Variants in INPP5A observed in about 807,000 individuals in gnomAD.
The protein encoded by INPP5A is inositol polyphosphate-5-phosphatase A.
In INPP5A, 14 loss-of-function variants were observed where a neutral mutation model predicts 65.2. The ratio of observed to expected loss-of-function variants is 0.21; its 90% confidence interval spans 0.14 to 0.34. The LOEUF (loss-of-function observed/expected upper bound fraction) is 0.34. Among genes scored for constraint, INPP5A ranks in the 10% least tolerant of loss-of-function variants. INPP5A has a pLI of 1.00. For synonymous variants in INPP5A, 207 were observed against 208.3 expected, an observed-to-expected ratio of 0.99 and a Z score of 0.05; for missense variants, 431 against 545.6, an observed-to-expected ratio of 0.79 and a Z score of 2.09.
At chr10:132,731,392 C>T (rs971098992) in intron 9 of INPP5A, among the ~76,000 whole-genome samples, 1 of 151,668 alleles carries the variant, frequency 6.6e-6, no homozygotes. Flanking sequence ...GTATCAGACG[C>T]CCCTGGAAGT....
At chr10:132,721,720 G>A (rs560033044) in intron 8 of INPP5A, among the ~76,000 whole-genome samples, 86 of 139,698 alleles carry the variant, frequency 6.2e-4, no homozygotes, top group African/African-American at 2.5e-3. Flanking sequence ...CTGTCTGGGC[G>A]CCTTAGACTG....
At chr10:132,766,585 A>G (rs1023544544) in intron 12 of INPP5A, among the ~76,000 whole-genome samples, 15 of 152,172 alleles carry the variant, frequency 9.9e-5, no homozygotes, top group African/African-American at 3.4e-4. Context: ...GCTCGCGTAC[A>G]TGGTTGCATA....
In INPP5A at chr10:132,705,460, C is replaced by T. The variant is rs934452291; in HGVS notation, c.475-2853C>T. Among the ~76,000 whole-genome samples the T allele has an allele frequency of 6.6e-6, 1 of 152,218 alleles. No individual in the cohort carries two copies. Among genetic ancestry groups the T allele is most frequent in the African/African-American group, 2.4e-5 (1 of 41,450 alleles). ...TTTGGCAAGCAGGGCAGCCTGAGCA[C>T]AGCAGGGGATGTGGGCTCAGTACCA... On this transcript the variant is annotated intron_variant, in intron 6 of 15. Coordinates refer to ENST00000368594, the MANE Select transcript of INPP5A (RefSeq NM_005539.5). The surrounding 1 kb of genome is among the most constrained non-coding windows in gnomAD (Gnocchi z 4.9).
At position 132,686,200 on chromosome 10, in the gene INPP5A, G is replaced by T. The variant is rs563103490; in HGVS notation, c.307-4192G>T. ...GGATCGACTTTTCGGTGCCCCAGGG[G>T]CTTGGCTTTGTCCAGTGGAGGCCGC... is the stretch of plus-strand genomic sequence containing the variant. On this transcript the variant is annotated intron_variant, in intron 4 of 15. Coordinates refer to ENST00000368594, the MANE Select transcript of INPP5A (RefSeq NM_005539.5). 3.9e-5 allele frequency among the ~76,000 whole-genome samples: 6 copies of T among 152,314 alleles called. No individual in the cohort carries two copies. In the East Asian group the frequency reaches 7.7e-4, roughly 20 times the overall value.
intron 13 of INPP5A, among the ~76,000 whole-genome samples, chr10:132,780,001 A>T (rs1206312463): frequency 6.6e-6 from 1 of 152,250 alleles, no homozygotes; most frequent in African/African-American, 2.4e-5. Flanking sequence ...GCGTTTGATG[A>T]ATGTTTCTCC....
rs1203686716 is a variant in INPP5A at position 132,782,202 on chromosome 10, C to T, written c.*173C>T. ...TCCGGACCATTCCGGAGCAGCCTCA[C>T]ATACCTCACTGTCTCGTCTGTCTAT... On this transcript the variant is annotated 3_prime_UTR_variant, in exon 16 of 16. Transcript: ENST00000368594. The surrounding 1 kb of genome is among the most constrained non-coding windows in gnomAD (Gnocchi z 4.4). 2.2e-6 allele frequency: 2 copies of T among 901,018 alleles called. No homozygotes were observed. Among genetic ancestry groups the T allele is most frequent in the Non-Finnish European group, 3.4e-6 (2 of 582,470 alleles). 55.8% of individuals were successfully genotyped at this position (901,018 alleles called of 1,614,324 possible).
chr10:132,748,310 C>A (rs765763787), intron 9 of INPP5A, among the ~76,000 whole-genome samples: 6 of 152,208 alleles, frequency 3.9e-5, no homozygotes, highest in Admixed American at 3.9e-4. Context: ...CCTCCTCCAC[C>A]CACACCAGCG....
At chr10:132,723,349 TAG>T (rs1367081974) in intron 8 of INPP5A, among the ~76,000 whole-genome samples, 1 of 152,338 alleles carries the variant, frequency 6.6e-6, no homozygotes, top group Non-Finnish European at 1.5e-5. Context: ...GGGAACTCAT[TAG>T]AGTTTGTTCC....
intron 11 of INPP5A, among the ~76,000 whole-genome samples, chr10:132,756,708 A>G (rs1379245764): frequency 6.6e-6 from 1 of 152,170 alleles, no homozygotes; most frequent in African/African-American, 2.4e-5. Flanking sequence ...CCATTACTGT[A>G]ATGCACTCCT....
chr10:132,782,257 T>G lies in INPP5A; in HGVS notation c.*228T>G, dbSNP rs1304883013. On this transcript the variant is annotated 3_prime_UTR_variant, in exon 16 of 16. Coordinates refer to ENST00000368594, the MANE Select transcript of INPP5A (RefSeq NM_005539.5). The surrounding 1 kb of genome is among the most constrained non-coding windows in gnomAD (Gnocchi z 4.4). ...CATTAAGTAGAAATATTGGTTTTTT[T>G]TTTTTTTTTTTAAATAAGTCACAGT... is the stretch of plus-strand genomic sequence containing the variant. 6.8e-5 allele frequency: 31 copies of G among 455,266 alleles called. No homozygotes were observed. The highest frequency in any genetic ancestry group is 2.9e-4 in the East Asian group (5 of 17,060). 28.2% of individuals were successfully genotyped at this position (455,266 alleles called of 1,614,324 possible).
Position 132,549,436 on chromosome 10 carries a change from T to G in INPP5A, c.75+11265T>G, listed in dbSNP as rs554916937. ...TGGCATCTTGCGGTTTAACTTGCATTTCTGGTCCTACTTCCAAATAATAAT... is the reference window on the plus strand; with the variant it reads ...TGGCATCTTGCGGTTTAACTTGCATGTCTGGTCCTACTTCCAAATAATAAT... On this transcript the variant is annotated intron_variant, in intron 1 of 15. Transcript: ENST00000368594. The surrounding 1 kb of genome is among the most constrained non-coding windows in gnomAD (Gnocchi z 4.9). Among the ~76,000 whole-genome samples, 8 of 152,344 alleles carry G rather than the reference T, an allele frequency of 5.3e-5. No individual in the cohort carries two copies. The highest frequency in any genetic ancestry group is 1.9e-4 in the African/African-American group (8 of 41,578).
At chr10:132,772,020 A>G (rs78448338) in intron 12 of INPP5A, among the ~76,000 whole-genome samples, 23 of 136 alleles carry the variant, frequency 0.17, 8 homozygotes, top group African/African-American at 0.33. Context: ...CAGAGGCCAC[A>G]GCAGCCACCC....
At chr10:132,580,025 C>T (rs1461597460) in intron 1 of INPP5A, among the ~76,000 whole-genome samples, 1 of 151,716 alleles carries the variant, frequency 6.6e-6, no homozygotes, top group Non-Finnish European at 1.5e-5. Flanking sequence ...CTTCCTCCCA[C>T]TGCTGGCAGG....
Position 132,538,436 on chromosome 10 carries a change from C to T in INPP5A, c.75+265C>T, listed in dbSNP as rs999434701. Among the ~76,000 whole-genome samples the T allele has an allele frequency of 3.3e-5, 5 of 152,284 alleles. No individual in the cohort carries two copies. The highest frequency in any genetic ancestry group is 3.4e-3 in the Middle Eastern group (1 of 294). ...CATCCTCCAGACTCCAGCAGCTGAC[C>T]GTTGACCCTGGGACCCTGCCTCTGA... On this transcript the variant is annotated intron_variant, in intron 1 of 15. Coordinates refer to ENST00000368594, the MANE Select transcript of INPP5A (RefSeq NM_005539.5). This position sits in a 1 kb window ranked among gnomAD's most constrained non-coding sequence, Gnocchi z 4.1.
chr10:132,570,982 A>T (rs543153584), intron 1 of INPP5A, among the ~76,000 whole-genome samples: 1 of 152,282 alleles, frequency 6.6e-6, no homozygotes, highest in South Asian at 2.1e-4. Flanking sequence ...GAGGGATGAA[A>T]ACGAGGCACT....
At position 132,678,368 on chromosome 10, in the gene INPP5A, G is replaced by A. The variant is rs540307226; in HGVS notation, c.307-12024G>A. 7.2e-5 allele frequency among the ~76,000 whole-genome samples: 11 copies of A among 152,294 alleles called. No homozygotes were observed. The highest frequency in any genetic ancestry group is 2.6e-4 in the African/African-American group (11 of 41,566). ...TATTATTGTTTATAATCTAATGACT[G>A]TTATTATAACTTTGCTTTGATTTAT... On this transcript the variant is annotated intron_variant, in intron 4 of 15. Coordinates refer to ENST00000368594, the MANE Select transcript of INPP5A (RefSeq NM_005539.5). This position sits in a 1 kb window ranked among gnomAD's most constrained non-coding sequence, Gnocchi z 4.1.
At chr10:132,570,694 G>C (rs970505740) in intron 1 of INPP5A, among the ~76,000 whole-genome samples, 10 of 151,692 alleles carry the variant, frequency 6.6e-5, no homozygotes, top group Admixed American at 6.6e-4. Flanking sequence ...GAATTCCAGT[G>C]CACCAACAAT....
At chr10:132,558,242 C>T (rs959586802) in intron 1 of INPP5A, among the ~76,000 whole-genome samples, 4 of 152,144 alleles carry the variant, frequency 2.6e-5, no homozygotes, top group Admixed American at 6.5e-5. Context: ...CACGCAGAGC[C>T]GCGACTTCCC....
At chr10:132,693,899 G>A (rs1186372434) in intron 5 of INPP5A, among the ~76,000 whole-genome samples, 1 of 152,102 alleles carries the variant, frequency 6.6e-6, no homozygotes, top group East Asian at 1.9e-4. Flanking sequence ...AAGTAGAGCT[G>A]CCAAGAGAAA....
Sources: allele counts gnomAD v4.1 joint callset (sites outside exome capture counted in the v4.1 genomes callset), GRCh38; gene constraint gnomAD v4.1.1; non-coding constraint Gnocchi (gnomAD v3.1); transcripts MANE v1.5; gene names NCBI Gene and HGNC (gene_info 2026-07-23, HGNC 2026-07-21).